The following CD44 variants were observed in gnomAD, a reference collection of about 807,000 sequenced individuals.
CD44 encodes the protein CD44 molecule (IN blood group).
Under a neutral mutation model 88.8 loss-of-function variants are expected in CD44, and 49 were observed. The observed-to-expected ratio is 0.55, with a 90% CI of 0.44 to 0.70. The LOEUF (loss-of-function observed/expected upper bound fraction) is 0.70, where lower values mean the gene tolerates loss of function less well. Ranked by LOEUF, CD44 falls within the 30% of genes least tolerant of loss-of-function variation. CD44 has a pLI of 0.00. For synonymous variants in CD44, 325 were observed against 312.3 expected, an observed-to-expected ratio of 1.04 and a Z score of -0.43; for missense variants, 883 against 913.8, an observed-to-expected ratio of 0.97 and a Z score of 0.43.
intron 1 of CD44, among the ~76,000 whole-genome samples, chr11:35,157,572 A>G (rs1026429895): frequency 2.6e-5 from 4 of 152,112 alleles, no homozygotes; most frequent in Admixed American, 6.5e-5. Flanking sequence ...TTCTATTGGA[A>G]TAAGAGACAA....
At chr11:35,151,511 A>G (rs556615004) in intron 1 of CD44, among the ~76,000 whole-genome samples, 1 of 152,334 alleles carries the variant, frequency 6.6e-6, no homozygotes, top group East Asian at 1.9e-4. Flanking sequence ...TTTTAGCTCA[A>G]GGAACATTTC....
At chr11:35,217,809 A>G (rs184537545) in intron 15 of CD44, among the ~76,000 whole-genome samples, 2 of 152,308 alleles carry the variant, frequency 1.3e-5, no homozygotes, top group East Asian at 3.9e-4. Context: ...GGAAAAAAAA[A>G]GTTCATTTTG....
At chr11:35,186,067 A>G (rs1945648742) in intron 3 of CD44, among the ~76,000 whole-genome samples, 1 of 152,054 alleles carries the variant, frequency 6.6e-6, no homozygotes, top group Non-Finnish European at 1.5e-5. Context: ...AAAAAAAACC[A>G]GAAATGCCCA....
intron 1 of CD44, among the ~76,000 whole-genome samples, chr11:35,143,949 C>T (rs1224343367): frequency 6.6e-6 from 1 of 152,248 alleles, no homozygotes; most frequent in Non-Finnish European, 1.5e-5. Flanking sequence ...GGAGCTCTCA[C>T]TCTGACCAGG....
intron 1 of CD44, among the ~76,000 whole-genome samples, chr11:35,145,301 A>C (rs1260788782): frequency 6.6e-6 from 1 of 152,226 alleles, no homozygotes; most frequent in Non-Finnish European, 1.5e-5. Context: ...TCTAGAATAT[A>C]AAAGTCATGA....
chr11:35,206,673 G>GGGA (rs1554971954), intron 11 of CD44, among the ~76,000 whole-genome samples: 2 of 149,774 alleles, frequency 1.3e-5, no homozygotes, highest in Admixed American at 6.6e-5. Flanking sequence ...GGTTGGTGGG[G>GGGA]GGGGCAGTTT....
chr11:35,227,266 G>T (rs1227211864), intron 17 of CD44, among the ~76,000 whole-genome samples: 1 of 152,096 alleles, frequency 6.6e-6, no homozygotes, highest in Non-Finnish European at 1.5e-5. Context: ...GCTCACTGCA[G>T]CCTCGACTTC....
At chr11:35,140,903 C>A (rs1857780901) in intron 1 of CD44, among the ~76,000 whole-genome samples, 1 of 151,972 alleles carries the variant, frequency 6.6e-6, no homozygotes, top group Admixed American at 6.6e-5. Context: ...CACCTGTAGT[C>A]CCAGCTGCTT....
intron 1 of CD44, among the ~76,000 whole-genome samples, chr11:35,164,550 C>A (rs1943044066): frequency 6.6e-6 from 1 of 152,112 alleles, no homozygotes; most frequent in Non-Finnish European, 1.5e-5. Flanking sequence ...TGGTGGTGAC[C>A]TTTTGCTTCT....
chr11:35,203,936 T>C (rs563916888), intron 9 of CD44, among the ~76,000 whole-genome samples: 1 of 152,344 alleles, frequency 6.6e-6, no homozygotes, highest in African/African-American at 2.4e-5. Context: ...ATTTTAGCAA[T>C]TTTAGGTGCC....
chr11:35,159,656 C>A (rs1942345101), intron 1 of CD44, among the ~76,000 whole-genome samples: 2 of 152,204 alleles, frequency 1.3e-5, no homozygotes, highest in Non-Finnish European at 2.9e-5. Context: ...CCATCAACTT[C>A]TCTTTGAGAG....
chr11:35,220,095 G>A (rs1949165334), intron 16 of CD44, among the ~76,000 whole-genome samples: 1 of 152,216 alleles, frequency 6.6e-6, no homozygotes, highest in African/African-American at 2.4e-5. Flanking sequence ...CTCCTCTTCA[G>A]AGGTCTCCAG....
At chr11:35,142,958 G>A (rs1260649949) in intron 1 of CD44, among the ~76,000 whole-genome samples, 2 of 152,072 alleles carry the variant, frequency 1.3e-5, no homozygotes, top group Non-Finnish European at 2.9e-5. Context: ...AGATATTAGG[G>A]CAGGGCATTT....
chr11:35,145,187 G>A (rs192576322), intron 1 of CD44, among the ~76,000 whole-genome samples: 22 of 152,340 alleles, frequency 1.4e-4, no homozygotes, highest in African/African-American at 3.4e-4. Flanking sequence ...CCTGTCTTCT[G>A]CAGCACTGGG....
At chr11:35,201,007 A>G (rs909946628) in intron 7 of CD44, 75 bp from the exon 8 acceptor site, 1 of 1,030,400 alleles carries the variant, frequency 9.7e-7, no homozygotes, top group Non-Finnish European at 1.5e-6. Flanking sequence ...TACAGAAGCA[A>G]GACTATGTGC....
chr11:35,191,524 T>C (rs182267670), intron 5 of CD44, among the ~76,000 whole-genome samples: 100 of 152,334 alleles, frequency 6.6e-4, no homozygotes, highest in Non-Finnish European at 5.9e-5. Flanking sequence ...TCACTGCTTC[T>C]TGGGTTCCCT....
intron 16 of CD44, 37 bp from the exon 17 acceptor site, chr11:35,221,617 T>G (rs1170104058): frequency 1.3e-6 from 2 of 1,561,652 alleles, no homozygotes; most frequent in Admixed American, 3.3e-5. Context: ...AGTGTGTCTC[T>G]GAAGCTCACG....
At chr11:35,145,893 G>A (rs1274389290) in intron 1 of CD44, among the ~76,000 whole-genome samples, 1 of 152,226 alleles carries the variant, frequency 6.6e-6, no homozygotes, top group Non-Finnish European at 1.5e-5. Flanking sequence ...AGGGAATCCT[G>A]ACATCCGACG....
intron 9 of CD44, among the ~76,000 whole-genome samples, chr11:35,202,801 C>T (rs533887035): frequency 6.6e-5 from 10 of 152,210 alleles, no homozygotes; most frequent in South Asian, 6.2e-4. Flanking sequence ...TGTATACATA[C>T]GGCTTAGGGG....
Sources: allele counts gnomAD v4.1 joint callset (sites outside exome capture counted in the v4.1 genomes callset), GRCh38; gene constraint gnomAD v4.1.1; transcripts MANE v1.5; gene names NCBI Gene and HGNC (gene_info 2026-07-23, HGNC 2026-07-21).